TENM2: variants seen among roughly 807,000 people sequenced by gnomAD.
TENM2 encodes teneurin-2.
In TENM2, 52 loss-of-function variants were observed where a neutral mutation model predicts 245.2. That is an observed-to-expected ratio of 0.21 (90% CI 0.17 to 0.27). TENM2 has a LOEUF of 0.27. TENM2 is among the 10% of genes least tolerant of loss of function. TENM2 has a pLI of 1.00. For missense variants in TENM2, 3,046 were observed against 3,666.8 expected (o/e 0.83, Z 4.37); for synonymous variants, 1,363 against 1,438.9 (o/e 0.95, Z 1.19).
intron 2 of TENM2, among the ~76,000 whole-genome samples, chr5:167,462,161 G>A (rs1186410129): frequency 1.4e-5 from 2 of 146,108 alleles, no homozygotes; most frequent in Non-Finnish European, 3.0e-5. Context: ...ATTCTGAAAC[G>A]GGAGAGTTCC....
chr5:167,134,681 T>C, the TENM2 span, among the ~76,000 whole-genome samples: 1 of 152,180 alleles, frequency 6.6e-6, no homozygotes, highest in Non-Finnish European at 1.5e-5. Flanking sequence ...CTCTGACCCA[T>C]TTTTCAACGC....
At chr5:168,077,543 C>T (rs1019889353) in intron 7 of TENM2, among the ~76,000 whole-genome samples, 39 of 152,056 alleles carry the variant, frequency 2.6e-4, no homozygotes, top group African/African-American at 8.5e-4. Context: ...TAGTCATTTA[C>T]ATTAGGTATC....
At chr5:167,752,562 T>C (rs1443552344) in intron 2 of TENM2, among the ~76,000 whole-genome samples, 7 of 152,160 alleles carry the variant, frequency 4.6e-5, no homozygotes, top group Non-Finnish European at 1.0e-4. Flanking sequence ...CAAGCTTTAC[T>C]GATGGATCTC....
chr5:168,022,872 C>T (rs1346285946), intron 5 of TENM2, among the ~76,000 whole-genome samples: 2 of 152,174 alleles, frequency 1.3e-5, no homozygotes. Flanking sequence ...TCTCTCACGC[C>T]TGCCCATTCT....
At chr5:167,103,120 C>A in the TENM2 span, among the ~76,000 whole-genome samples, 1 of 152,176 alleles carries the variant, frequency 6.6e-6, no homozygotes, top group East Asian at 1.9e-4. Flanking sequence ...TTGAGTCCTG[C>A]AGAAGTCAAA....
intron 2 of TENM2, among the ~76,000 whole-genome samples, chr5:167,556,864 T>C (rs1773292173): frequency 6.6e-6 from 1 of 152,160 alleles, no homozygotes. Context: ...CCCGTGTTGA[T>C]CACAGCATCT....
At chr5:167,682,880 A>G (rs1255686511) in intron 2 of TENM2, among the ~76,000 whole-genome samples, 1 of 152,324 alleles carries the variant, frequency 6.6e-6, no homozygotes, top group East Asian at 1.9e-4. Flanking sequence ...CATAGTTTAC[A>G]TTACACAGAA....
chr5:167,756,487 A>G (rs1396653067), intron 2 of TENM2, among the ~76,000 whole-genome samples: 1 of 152,184 alleles, frequency 6.6e-6, no homozygotes, highest in African/African-American at 2.4e-5. Flanking sequence ...AGTCCAGAGA[A>G]AACAAAGTGA....
chr5:167,049,447 A>C, the TENM2 span, among the ~76,000 whole-genome samples: 1 of 152,254 alleles, frequency 6.6e-6, no homozygotes, highest in Non-Finnish European at 1.5e-5. Flanking sequence ...CAATAGTATT[A>C]ATATGTAATC....
intron 1 of TENM2, among the ~76,000 whole-genome samples, chr5:167,325,328 C>T (rs1467883281): frequency 3.3e-5 from 5 of 152,028 alleles, no homozygotes; most frequent in African/African-American, 7.2e-5. Flanking sequence ...TAAGTAAATA[C>T]GGTTTAAATA....
intron 2 of TENM2, among the ~76,000 whole-genome samples, chr5:167,579,174 T>A (rs1774917192): frequency 6.6e-6 from 1 of 152,148 alleles, no homozygotes; most frequent in Non-Finnish European, 1.5e-5. Flanking sequence ...ACAAAAGGCA[T>A]CACTCATGCA....
intron 2 of TENM2, among the ~76,000 whole-genome samples, chr5:167,578,787 G>A (rs1340845657): frequency 1.3e-5 from 2 of 152,130 alleles, no homozygotes; most frequent in South Asian, 2.1e-4. Flanking sequence ...ACTCTTTGAC[G>A]TCTAGTGTAT....
intron 2 of TENM2, among the ~76,000 whole-genome samples, chr5:167,438,710 T>C (rs1430734956): frequency 6.7e-6 from 1 of 150,156 alleles, no homozygotes; most frequent in Non-Finnish European, 1.5e-5. Context: ...ACAAACATTT[T>C]TAATGGTGTC....
At position 168,227,774 on chromosome 5, in the gene TENM2, C is replaced by T. The variant is rs116346179; in HGVS notation, c.5285-121C>T. The T allele has an allele frequency of 1.1e-3, 699 of 629,362 alleles. 6 individuals are homozygous for T. The highest frequency in any genetic ancestry group is 9.7e-3 in the African/African-American group (530 of 54,440). The allele number at this position is 629,362 out of a possible 1,614,324, so 39.0% of individuals were successfully genotyped here. A position where few individuals can be genotyped will look rare whatever the true frequency, so the allele number is the denominator to read the frequency against. On this transcript the variant is annotated intron_variant, in intron 24 of 28. Transcript: ENST00000518659. ...ATGTGTGCTAATTGAAGGCAGCCTT[C>T]GACTAATGGCTGCAAAGTACCATGG...
chr5:167,231,002 G>T, the TENM2 span, among the ~76,000 whole-genome samples: 20 of 152,110 alleles, frequency 1.3e-4, no homozygotes, highest in African/African-American at 4.8e-4. Context: ...TTTTATTACT[G>T]TGGCATTTCC....
intron 2 of TENM2, among the ~76,000 whole-genome samples, chr5:167,563,500 C>A (rs543045417): frequency 6.6e-6 from 1 of 152,208 alleles, no homozygotes; most frequent in East Asian, 1.9e-4. Flanking sequence ...TAAGTTGCAC[C>A]AACTGTGTGT....
At chr5:167,082,642 T>C in the TENM2 span, among the ~76,000 whole-genome samples, 1 of 152,080 alleles carries the variant, frequency 6.6e-6, no homozygotes, top group Non-Finnish European at 1.5e-5. Context: ...TCAAGAAGAG[T>C]ATCTTAGTTT....
At chr5:168,033,680 G>T (rs761481102) in intron 5 of TENM2, among the ~76,000 whole-genome samples, 1 of 152,082 alleles carries the variant, frequency 6.6e-6, no homozygotes, top group Non-Finnish European at 1.5e-5. Context: ...ATTTGAAAGA[G>T]GGGAAGGAAG....
At chr5:167,378,629 T>C (rs1389766699) in intron 2 of TENM2, among the ~76,000 whole-genome samples, 1 of 152,136 alleles carries the variant, frequency 6.6e-6, no homozygotes, top group Non-Finnish European at 1.5e-5. Flanking sequence ...AGGGCTTTCC[T>C]AGTAACTTTA....
Sources: gnomAD v4.1 joint callset for allele counts (sites outside exome capture counted in the v4.1 genomes callset) on GRCh38, gnomAD v4.1.1 for gene constraint, MANE v1.5 for transcripts, NCBI Gene and HGNC (gene_info 2026-07-23, HGNC 2026-07-21) for gene names.